AQP9: variants seen among roughly 807,000 people sequenced by gnomAD.
AQP9 encodes the protein aquaporin 9.
AQP9 carries 19 observed loss-of-function variants against 23.8 expected under a neutral mutation model. That is an observed-to-expected ratio of 0.80 (90% CI 0.56 to 1.17). The LOEUF is 1.17. Among genes scored for constraint, AQP9 ranks in the 50% most tolerant of loss-of-function variants. The pLI, the probability that AQP9 is intolerant of heterozygous loss-of-function variation, is 0.00. For synonymous variants in AQP9, 153 were observed against 131.5 expected, an observed-to-expected ratio of 1.16 and a Z score of -1.12; for missense variants, 413 against 362.0, an observed-to-expected ratio of 1.14 and a Z score of -1.14.
intron 3 of AQP9, among the ~76,000 whole-genome samples, 168 bp from the exon 4 acceptor site, chr15:58,174,750 T>A (rs552881931): frequency 6.6e-6 from 1 of 152,196 alleles, no homozygotes; most frequent in African/African-American, 2.4e-5. Flanking sequence ...ATCCTGGGAT[T>A]CACCTGGGCA....
At chr15:58,149,796 C>T (rs1299704374) in intron 1 of AQP9, among the ~76,000 whole-genome samples, 1 of 152,186 alleles carries the variant, frequency 6.6e-6, no homozygotes, top group African/African-American at 2.4e-5. Flanking sequence ...TCTCCAGTTA[C>T]AAACTTATAG....
intron 1 of AQP9, among the ~76,000 whole-genome samples, chr15:58,165,465 C>G (rs1898478533): frequency 6.6e-6 from 1 of 152,162 alleles, no homozygotes; most frequent in East Asian, 1.9e-4. Flanking sequence ...CTCCCCCAAC[C>G]CATTAGGGTC....
chr15:58,170,861 A>G (rs1431599977), intron 2 of AQP9, among the ~76,000 whole-genome samples: 1 of 152,216 alleles, frequency 6.6e-6, no homozygotes, highest in Admixed American at 6.5e-5. Flanking sequence ...TGTTAAACAA[A>G]GAAATCTCCC....
chr15:58,169,643 G>A (rs1898578422), intron 2 of AQP9, among the ~76,000 whole-genome samples: 1 of 152,080 alleles, frequency 6.6e-6, no homozygotes, highest in African/African-American at 2.4e-5. Context: ...CCTATTTTGT[G>A]GTCACCGACT....
intron 1 of AQP9, among the ~76,000 whole-genome samples, chr15:58,164,891 G>A (rs1014909932): frequency 6.6e-6 from 1 of 152,062 alleles, no homozygotes; most frequent in Non-Finnish European, 1.5e-5. Context: ...AATTGTCTTT[G>A]TGCAACCTTT....
intron 2 of AQP9, among the ~76,000 whole-genome samples, chr15:58,168,527 G>C (rs550424978): frequency 2.6e-5 from 4 of 151,910 alleles, no homozygotes; most frequent in East Asian, 2.0e-4. Context: ...CCATTGACCA[G>C]CTGGCACCCT....
rs112009784 is a variant in AQP9 at position 58,159,977 on chromosome 15, A to G, written c.112-6696A>G. Among the ~76,000 whole-genome samples, 1,252 of 152,350 alleles carry G rather than the reference A, an allele frequency of 8.2e-3. 20 individuals are homozygous for G. Among genetic ancestry groups the G allele is most frequent in the African/African-American group, 0.029 (1,198 of 41,584 alleles). ...AGTGCTGCAGTAAACATGAGAGTGC[A>G]GACAGCTCTTCAACATATTGATTTT... On this transcript the variant is annotated intron_variant, in intron 1 of 5. Transcript: ENST00000219919.
At chr15:58,149,513 G>C (rs976454873) in intron 1 of AQP9, among the ~76,000 whole-genome samples, 2 of 152,176 alleles carry the variant, frequency 1.3e-5, no homozygotes, top group African/African-American at 2.4e-5. Context: ...GACAGAAAGA[G>C]AGCCTTAGTC....
At chr15:58,174,732 G>A (rs1232987165) in intron 3 of AQP9, among the ~76,000 whole-genome samples, 186 bp from the exon 4 acceptor site, 2 of 152,196 alleles carry the variant, frequency 1.3e-5, no homozygotes, top group Non-Finnish European at 1.5e-5. Context: ...TTCTTCCTTT[G>A]ACCCTCCATC....
At chr15:58,178,706 T>C (rs1287765155) in intron 4 of AQP9, among the ~76,000 whole-genome samples, 1 of 152,236 alleles carries the variant, frequency 6.6e-6, no homozygotes, top group African/African-American at 2.4e-5. Context: ...CTTTGCACAC[T>C]CATCTATTGA....
intron 1 of AQP9, among the ~76,000 whole-genome samples, chr15:58,144,216 T>C (rs1319499910): frequency 6.6e-6 from 1 of 151,636 alleles, no homozygotes; most frequent in Non-Finnish European, 1.5e-5. Flanking sequence ...TTTAAATCCA[T>C]ACATTAAGGT....
chr15:58,172,959 G>A, intron 2 of AQP9, 109 bp from the exon 3 acceptor site: 1 of 1,374,270 alleles, frequency 7.3e-7, no homozygotes, highest in Non-Finnish European at 1.0e-6. Flanking sequence ...CTCCTCATAG[G>A]CAGTAGTTCT....
Position 58,166,697 on chromosome 15 carries a change from C to G in AQP9, c.136C>G (p.Gln46Glu). 6.2e-7 allele frequency: 1 copy of G among 1,611,246 alleles called. No homozygotes were observed. The highest frequency in any genetic ancestry group is 1.3e-5 in the African/African-American group (1 of 74,858). ...LIVLGCGCVA[Q>E]AILSRGRFGG... ...GGTCCTTGGATGTGGCTGTGTTGCC[C>G]AAGCTATTCTCAGTCGAGGACGTTT... The change falls in exon 2 of 6, where the codon CAA becomes GAA. Residue 46 changes from glutamine to glutamate, a missense_variant. By Grantham distance (29) the Gln-to-Glu change is conservative. Transcript: ENST00000219919.
intron 2 of AQP9, among the ~76,000 whole-genome samples, chr15:58,169,985 G>A (rs1001926297): frequency 3.9e-5 from 6 of 152,224 alleles, no homozygotes; most frequent in African/African-American, 1.4e-4. Context: ...GGTTCCCTCT[G>A]CTCACCTAAG....
chr15:58,173,409 TG>T (rs1379597868), intron 3 of AQP9, among the ~76,000 whole-genome samples: 1 of 152,132 alleles, frequency 6.6e-6, no homozygotes. Flanking sequence ...ATATCTTAAA[TG>T]GGGAGCAGAA....
chr15:58,182,724 G>A (rs1403466234), intron 5 of AQP9, among the ~76,000 whole-genome samples: 4 of 152,146 alleles, frequency 2.6e-5, no homozygotes, highest in African/African-American at 9.7e-5. Flanking sequence ...GCTGCCGTGT[G>A]GTAAGAGTGA....
At position 58,185,341 on chromosome 15, in the gene AQP9, G is replaced by A. The variant is rs1194414465; in HGVS notation, c.*1206G>A. On this transcript the variant is annotated 3_prime_UTR_variant, in exon 6 of 6. Transcript: ENST00000219919. ...GCCAAATCTTCCTTGCTAGCCAGAA[G>A]TGGAATTGGCAGCTTCTAGAATATG... 6.6e-6 allele frequency: 1 copy of A among 152,640 alleles called. No homozygotes were observed. The highest frequency in any genetic ancestry group is 1.5e-5 in the Non-Finnish European group (1 of 68,048). The allele number at this position is 152,640 out of a possible 1,614,324, so 9.5% of individuals were successfully genotyped here. A position where few individuals can be genotyped will look rare whatever the true frequency, so the allele number is the denominator to read the frequency against.
intron 2 of AQP9, among the ~76,000 whole-genome samples, chr15:58,171,489 C>G (rs73426188): frequency 6.6e-6 from 1 of 152,142 alleles, no homozygotes; most frequent in Non-Finnish European, 1.5e-5. Context: ...GCCCTGTGTG[C>G]CCCCTCCTCC....
intron 3 of AQP9, among the ~76,000 whole-genome samples, chr15:58,173,614 G>A (rs1192269400): frequency 1.3e-5 from 2 of 152,194 alleles, no homozygotes; most frequent in African/African-American, 4.8e-5. Context: ...AAGAGACACA[G>A]CAGAGATGTG....
Sources: allele counts gnomAD v4.1 joint callset (sites outside exome capture counted in the v4.1 genomes callset), GRCh38; gene constraint gnomAD v4.1.1; transcripts MANE v1.5; gene names NCBI Gene and HGNC (gene_info 2026-07-23, HGNC 2026-07-21).